The following EP300 variants were observed in gnomAD, a reference collection of about 807,000 sequenced individuals.
The protein encoded by EP300 is EP300 lysine acetyltransferase.
Under a neutral mutation model 264.0 loss-of-function variants are expected in EP300, and 31 were observed. That is an observed-to-expected ratio of 0.12 (90% CI 0.09 to 0.16). The LOEUF (loss-of-function observed/expected upper bound fraction) is 0.16. Among genes scored for constraint, EP300 ranks in the 10% least tolerant of loss-of-function variants. The pLI, the probability that EP300 is intolerant of heterozygous loss-of-function variation, is 1.00. For synonymous variants in EP300, 1,340 were observed against 1,045.4 expected, an observed-to-expected ratio of 1.28 and a Z score of -5.44; for missense variants, 2,766 against 3,052.9, an observed-to-expected ratio of 0.91 and a Z score of 2.21.
At chr22:41,144,841 C>CA (rs1333823014) in intron 10 of EP300, among the ~76,000 whole-genome samples, 1 of 151,972 alleles carries the variant, frequency 6.6e-6, no homozygotes, top group Non-Finnish European at 1.5e-5. Flanking sequence ...TGATTAGTCT[C>CA]AAATACTTAA....
intron 12 of EP300, among the ~76,000 whole-genome samples, chr22:41,148,486 T>G (rs1190806309): frequency 6.6e-6 from 1 of 152,204 alleles, no homozygotes; most frequent in Non-Finnish European, 1.5e-5. Context: ...TGGTCTTAGC[T>G]TATGAAGTTT....
At position 41,152,299 on chromosome 22, in the gene EP300, A is replaced by G. The variant is rs1278777066; in HGVS notation, c.3091A>G (p.Ser1031Gly). The G allele has an allele frequency of 6.2e-7, 1 of 1,614,184 alleles. No homozygotes were observed. The highest frequency in any genetic ancestry group is 8.5e-7 in the Non-Finnish European group (1 of 1,180,014). ...TEIKEEEDQP[S>G]TSATQSSPAP... is the part of the protein sequence containing the mutation. ...AATAAAAGAGGAGGAAGACCAGCCAAGTACTTCAGCTACCCAGTCATCTCC... is the reference window on the plus strand; with the variant it reads ...AATAAAAGAGGAGGAAGACCAGCCAGGTACTTCAGCTACCCAGTCATCTCC... The change falls in exon 16 of 31, where the codon AGT (serine) becomes GGT (glycine). Residue 1031 changes from serine to glycine, a missense_variant. By Grantham distance (56) the Ser-to-Gly change is moderately conservative. Transcript: ENST00000263253.
chr22:41,147,028 G>A (rs2059014928), intron 11 of EP300, among the ~76,000 whole-genome samples: 1 of 152,142 alleles, frequency 6.6e-6, no homozygotes, highest in South Asian at 2.1e-4. Context: ...CTGCAGGCTG[G>A]GCATGGTGGC....
rs141194728 is a variant in EP300, at chr22:41,145,147, A to G, written c.2054-1592A>G. Among the ~76,000 whole-genome samples, 236 of 152,328 alleles carry G rather than the reference A, an allele frequency of 1.5e-3. 1 individual carries two copies. The highest frequency in any genetic ancestry group is 5.6e-3 in the African/African-American group (232 of 41,572). Reference sequence around the variant, plus strand: ...AAAAGTTACTCATATCTTAGGTGAAAACATTGTTTTGTAGATAGTGTGCGT... The same window carrying G: ...AAAAGTTACTCATATCTTAGGTGAAGACATTGTTTTGTAGATAGTGTGCGT... On this transcript the variant is annotated intron_variant, in intron 10 of 30. Coordinates refer to ENST00000263253, the MANE Select transcript of EP300 (RefSeq NM_001429.4).
At chr22:41,169,056 C>T (rs764134878) in intron 25 of EP300, 189 bp downstream of exon 25, 25 of 744,054 alleles carry the variant, frequency 3.4e-5, no homozygotes, top group Non-Finnish European at 4.8e-5. Flanking sequence ...CCGCTCAATA[C>T]TGCTCTTCTG....
chr22:41,142,652 G>A (rs1466690948), intron 10 of EP300, among the ~76,000 whole-genome samples: 2 of 152,140 alleles, frequency 1.3e-5, no homozygotes, highest in East Asian at 1.9e-4. Context: ...TTGGGAGGCC[G>A]AGGCGGGTAG....
chr22:41,094,776 A>G (rs952477818), intron 1 of EP300, among the ~76,000 whole-genome samples: 3 of 152,102 alleles, frequency 2.0e-5, no homozygotes, highest in Non-Finnish European at 2.9e-5. Context: ...TCGATTTTAC[A>G]TTGGAGTTAG....
At chr22:41,096,038 C>A (rs1329501335) in intron 1 of EP300, among the ~76,000 whole-genome samples, 1 of 152,098 alleles carries the variant, frequency 6.6e-6, no homozygotes, top group Non-Finnish European at 1.5e-5. Context: ...TTATTTGTAG[C>A]CTTCACACCT....
chr22:41,162,894 T>A, intron 21 of EP300, 115 bp downstream of exon 21: 1 of 847,272 alleles, frequency 1.2e-6, no homozygotes, highest in Non-Finnish European at 2.0e-6. Flanking sequence ...TAAATCTACA[T>A]AACATACATC....
chr22:41,127,587 A>G lies in EP300; in HGVS notation c.1007A>G (p.Lys336Arg), dbSNP rs1476082621. The change falls in exon 4 of 31, where the codon AAG becomes AGG. Residue 336 changes from lysine (K) to arginine (R), a missense_variant. Coordinates refer to ENST00000263253, the MANE Select transcript of EP300 (RefSeq NM_001429.4). ...GAHTADPEKRKLIQQQLVLLL... is the reference protein window; with the variant it reads ...GAHTADPEKRRLIQQQLVLLL... ...CATACAGCTGATCCAGAGAAGCGCAAGCTCATCCAGCAGCAGCTTGTTCTC... is the reference window on the plus strand; with the variant it reads ...CATACAGCTGATCCAGAGAAGCGCAGGCTCATCCAGCAGCAGCTTGTTCTC... 6.2e-6 allele frequency: 10 copies of G among 1,614,232 alleles called. No homozygotes were observed. Among genetic ancestry groups the G allele is most frequent in the Non-Finnish European group, 8.5e-6 (10 of 1,180,040 alleles).
In EP300 at chr22:41,092,856, G is replaced by A. The variant is rs553861147; in HGVS notation, c.-149G>A. On this transcript the variant is annotated 5_prime_UTR_variant, in exon 1 of 31. Coordinates refer to ENST00000263253, the MANE Select transcript of EP300 (RefSeq NM_001429.4). ...ATCCCTCTCCAGCCACTGCGACCCG[G>A]CGAAGAGAAAAAGGAACTTCCCCCA... is the stretch of plus-strand genomic sequence containing the variant. The A allele has an allele frequency of 5.8e-5, 49 of 847,854 alleles. No individual in the cohort carries two copies. In the East Asian group the frequency reaches 1.1e-3, roughly 19 times the overall value. The allele number at this position is 847,854 out of a possible 1,614,324, so 52.5% of individuals were successfully genotyped here.
At chr22:41,096,419 A>AT (rs1414375012) in intron 1 of EP300, among the ~76,000 whole-genome samples, 6 of 152,076 alleles carry the variant, frequency 3.9e-5, no homozygotes, top group African/African-American at 1.4e-4. Flanking sequence ...CTGGCATATA[A>AT]TTAAGTAGGG....
At chr22:41,154,636 C>A (rs539965120) in intron 16 of EP300, among the ~76,000 whole-genome samples, 2 of 152,090 alleles carry the variant, frequency 1.3e-5, no homozygotes, top group South Asian at 4.1e-4. Context: ...CAGCCTCCAC[C>A]GTGCCTGGTC....
At chr22:41,096,212 A>G (rs186922583) in intron 1 of EP300, among the ~76,000 whole-genome samples, 1 of 152,222 alleles carries the variant, frequency 6.6e-6, no homozygotes, top group Non-Finnish European at 1.5e-5. Flanking sequence ...TGTAAAAATG[A>G]CCAAAAGACT....
At chr22:41,169,725 A>T in intron 26 of EP300, 109 bp downstream of exon 26, 1 of 708,814 alleles carries the variant, frequency 1.4e-6, no homozygotes, top group South Asian at 1.5e-5. Context: ...TCCTCATTTT[A>T]GTTCTTACGT....
chr22:41,120,036 A>ACT (rs1486909551), intron 2 of EP300, among the ~76,000 whole-genome samples: 1 of 151,644 alleles, frequency 6.6e-6, no homozygotes, highest in African/African-American at 2.4e-5. Flanking sequence ...CTCGTTGTGA[A>ACT]CTCCTGACCT....
chr22:41,153,133 T>G (rs1428050312), intron 16 of EP300, among the ~76,000 whole-genome samples: 5 of 152,132 alleles, frequency 3.3e-5, no homozygotes, highest in African/African-American at 9.7e-5. Context: ...CACAGGTTAC[T>G]CAGCTGACCC....
At chr22:41,119,694 C>T (rs564844900) in intron 2 of EP300, among the ~76,000 whole-genome samples, 1 of 146,770 alleles carries the variant, frequency 6.8e-6, no homozygotes, top group South Asian at 2.1e-4. Context: ...ATCTTAATTT[C>T]TTTCAGAAAC....
chr22:41,110,068 C>A (rs1324220542), intron 1 of EP300, among the ~76,000 whole-genome samples: 2 of 148,510 alleles, frequency 1.3e-5, no homozygotes, highest in Admixed American at 1.4e-4. Flanking sequence ...CTCGGCCTCC[C>A]AAAGTGCTGG....
Sources: gnomAD v4.1 joint callset for allele counts (sites outside exome capture counted in the v4.1 genomes callset) on GRCh38, gnomAD v4.1.1 for gene constraint, MANE v1.5 for transcripts, NCBI Gene and HGNC (gene_info 2026-07-23, HGNC 2026-07-21) for gene names.